TAF4: variants seen among roughly 807,000 people sequenced by gnomAD.
TAF4 encodes the protein TATA-box binding protein associated factor 4, also known as transcription initiation factor TFIID subunit 4.
TAF4 carries 9 observed loss-of-function variants against 90.3 expected under a neutral mutation model. The observed-to-expected ratio is 0.10, with a 90% CI of 0.06 to 0.17. The LOEUF is 0.17. Ranked by LOEUF, TAF4 falls within the 10% of genes least tolerant of loss-of-function variation. The pLI, the probability that TAF4 is intolerant of heterozygous loss-of-function variation, is 1.00. For missense variants in TAF4, 1,351 were observed against 1,370.7 expected (o/e 0.99, Z 0.23); for synonymous variants, 818 against 638.9 (o/e 1.28, Z -4.23).
intron 1 of TAF4, among the ~76,000 whole-genome samples, chr20:62,030,201 G>A (rs902048693): frequency 6.6e-6 from 1 of 152,216 alleles, no homozygotes; most frequent in Non-Finnish European, 1.5e-5. Flanking sequence ...AGGCAGGGAC[G>A]CCAACGAGCC....
chr20:62,011,102 C>G (rs1025756011), intron 3 of TAF4, among the ~76,000 whole-genome samples: 3 of 152,180 alleles, frequency 2.0e-5, no homozygotes, highest in Admixed American at 6.5e-5. Flanking sequence ...GAACCAGCCC[C>G]GCTTCCAGAG....
intron 1 of TAF4, among the ~76,000 whole-genome samples, chr20:62,018,408 C>T (rs2055824606): frequency 6.6e-6 from 1 of 152,220 alleles, no homozygotes; most frequent in South Asian, 2.1e-4. Flanking sequence ...CTATTCACGC[C>T]AAGGCAAAGA....
Position 62,003,957 on chromosome 20 carries a change from C to T in TAF4, c.2224-79G>A. On this transcript the variant is annotated intron_variant, in intron 7 of 14. Coordinates refer to ENST00000252996, the MANE Select transcript of TAF4 (RefSeq NM_003185.4). ...ACTCAGTCCCTAGCAGGAGGTTCTT[C>T]CCTTCCCTTCCTTTGCACCCCACGC... 5 of 1,468,032 alleles carry T rather than the reference C, an allele frequency of 3.4e-6. No homozygotes were observed. In the South Asian group the frequency reaches 6.9e-5, roughly 20 times the overall value. The allele number at this position is 1,468,032 out of a possible 1,614,324, so 90.9% of individuals were successfully genotyped here. A position where few individuals can be genotyped will look rare whatever the true frequency, so the allele number is the denominator to read the frequency against.
At chr20:62,031,367 A>C (rs2055903447) in intron 1 of TAF4, among the ~76,000 whole-genome samples, 3 of 152,228 alleles carry the variant, frequency 2.0e-5, no homozygotes, top group Non-Finnish European at 4.4e-5. Context: ...GGCTGGGCCC[A>C]GGGTGCCTTC....
At chr20:62,041,234 C>A (rs79935190) in intron 1 of TAF4, among the ~76,000 whole-genome samples, 4,104 of 152,302 alleles carry the variant, frequency 0.027, 195 homozygotes, top group African/African-American at 0.094. Context: ...GGTAGACATC[C>A]TCAATCTGTG....
At chr20:62,054,064 AC>A (rs1163400178) in intron 1 of TAF4, among the ~76,000 whole-genome samples, 4 of 152,146 alleles carry the variant, frequency 2.6e-5, no homozygotes, top group Non-Finnish European at 5.9e-5. Context: ...ACACAGACCC[AC>A]CCCAGTGCAA....
chr20:62,029,993 G>A lies in TAF4; in HGVS notation c.1361-15286C>T, dbSNP rs369830204. 3.9e-5 allele frequency among the ~76,000 whole-genome samples: 6 copies of A among 152,326 alleles called. No individual in the cohort carries two copies. The South Asian group carries it at 8.3e-4, about 21-fold the overall frequency. ...GCTGGGCCAGAAGGAAGAACAGTGCGCCGCAGGGGCATGGTCACGGTGAAG... is the reference window on the plus strand; with the variant it reads ...GCTGGGCCAGAAGGAAGAACAGTGCACCGCAGGGGCATGGTCACGGTGAAG... On this transcript the variant is annotated intron_variant, in intron 1 of 14. Coordinates refer to ENST00000252996, the MANE Select transcript of TAF4 (RefSeq NM_003185.4).
intron 11 of TAF4, 103 bp downstream of exon 11, chr20:62,000,021 G>A (rs940042055): frequency 1.3e-6 from 2 of 1,483,658 alleles, no homozygotes; most frequent in Non-Finnish European, 1.9e-6. Context: ...GGAGGCACTT[G>A]GGACCCACCG....
chr20:62,039,999 T>G (rs2055954750), intron 1 of TAF4, among the ~76,000 whole-genome samples: 1 of 152,214 alleles, frequency 6.6e-6, no homozygotes. Flanking sequence ...CATACCAGCT[T>G]TCCGCAAGGA....
intron 1 of TAF4, among the ~76,000 whole-genome samples, chr20:62,031,653 C>G (rs1444540195): frequency 6.6e-6 from 1 of 152,212 alleles, no homozygotes; most frequent in Admixed American, 6.5e-5. Context: ...GTTTTTCACT[C>G]TATTCTCCCT....
intron 1 of TAF4, among the ~76,000 whole-genome samples, chr20:62,023,056 A>G (rs1466717456): frequency 1.3e-5 from 2 of 152,240 alleles, no homozygotes; most frequent in African/African-American, 2.4e-5. Flanking sequence ...AATGCATCCC[A>G]AAGTCCCAGC....
rs553057090 is a variant in TAF4, at chr20:62,036,887, G to A, written c.1361-22180C>T. The stretch of plus-strand genomic sequence containing the variant: ...TTTGGGGGCCCAGCCCTCATTAACC[G>A]GATTAGCGCCCTTATGAAAGAGCCT... On this transcript the variant is annotated intron_variant, in intron 1 of 14. Transcript: ENST00000252996. Among the ~76,000 whole-genome samples the A allele has an allele frequency of 7.2e-4, 110 of 152,314 alleles. 2 individuals are homozygous for A. The South Asian group carries it at 0.018, about 25-fold the overall frequency.
At chr20:62,054,380 G>A (rs1254067606) in intron 1 of TAF4, among the ~76,000 whole-genome samples, 1 of 152,174 alleles carries the variant, frequency 6.6e-6, no homozygotes, top group Non-Finnish European at 1.5e-5. Context: ...GTGAATTTGT[G>A]CACGCCAACA....
chr20:62,011,766 ATC>A (rs1333327418), intron 3 of TAF4, among the ~76,000 whole-genome samples: 2 of 152,186 alleles, frequency 1.3e-5, no homozygotes, highest in African/African-American at 2.4e-5. Flanking sequence ...AGGACTCTGG[ATC>A]TCTCTGCAGA....
chr20:62,047,855 T>C (rs1056114710), intron 1 of TAF4, among the ~76,000 whole-genome samples: 3 of 152,180 alleles, frequency 2.0e-5, no homozygotes, highest in Non-Finnish European at 4.4e-5. Context: ...GACACAGCCA[T>C]GGAAGCCGCA....
chr20:61,989,127 C>A (rs1350190393), intron 14 of TAF4, among the ~76,000 whole-genome samples: 1 of 152,154 alleles, frequency 6.6e-6, no homozygotes, highest in East Asian at 1.9e-4. Context: ...GGACCGTAGT[C>A]TCAACACGAA....
chr20:62,022,228 T>A (rs1397276454), intron 1 of TAF4, among the ~76,000 whole-genome samples: 1 of 152,200 alleles, frequency 6.6e-6, no homozygotes, highest in African/African-American at 2.4e-5. Context: ...ACAGCTGTGC[T>A]GTCAGTCAGC....
At chr20:62,057,166 C>T (rs6121884) in intron 1 of TAF4, among the ~76,000 whole-genome samples, 9 of 152,228 alleles carry the variant, frequency 5.9e-5, no homozygotes, top group African/African-American at 2.2e-4. Flanking sequence ...AGGTGCCCAC[C>T]TTGCCACCGG....
intron 11 of TAF4, among the ~76,000 whole-genome samples, chr20:61,999,812 G>A (rs6089306): frequency 0.61 from 92,452 of 152,022 alleles, 28,420 homozygotes; most frequent in Middle Eastern, 0.76. Flanking sequence ...AGTTGGGCAC[G>A]GTGGTGTGCG....
Sources: allele counts gnomAD v4.1 joint callset (sites outside exome capture counted in the v4.1 genomes callset), GRCh38; gene constraint gnomAD v4.1.1; transcripts MANE v1.5; gene names NCBI Gene and HGNC (gene_info 2026-07-23, HGNC 2026-07-21).